Variants in SLC5A10 observed in about 807,000 individuals in gnomAD.
SLC5A10 encodes solute carrier family 5 member 10.
Under a neutral mutation model 68.9 loss-of-function variants are expected in SLC5A10, and 55 were observed. The observed-to-expected ratio is 0.80, with a 90% CI of 0.64 to 1.00. The LOEUF is 1.00. SLC5A10 is among the 50% of genes least tolerant of loss of function. The pLI is 0.00. For synonymous variants in SLC5A10, 344 were observed against 344.8 expected (o/e 1.00, Z 0.02); for missense variants, 732 against 819.3 (o/e 0.89, Z 1.30).
intron 1 of SLC5A10, among the ~76,000 whole-genome samples, chr17:18,958,282 A>G (rs7208220): frequency 0.11 from 16,966 of 151,910 alleles, 2,758 homozygotes; most frequent in African/African-American, 0.36. Flanking sequence ...CTGGTCTCAA[A>G]CTGCTAGGCT....
rs757287574 is a variant in SLC5A10 at position 18,971,023 on chromosome 17, G to C, written c.651G>C (p.Gln217His). Residue 217 changes from glutamine (Q) to histidine (H), a missense_variant, in exon 8 of 15, where the codon CAG becomes CAC. Transcript: ENST00000395645. This position sits in a 1 kb window ranked among gnomAD's most constrained non-coding sequence, Gnocchi z 5.5. ...CCCTGACCCCTCCAGCTTTTGACCA[G>C]ATCGGTGGTTACGGGCAGCTGGAGG... ...AVILTIKAFD[Q>H]IGGYGQLEAA... 4.3e-6 allele frequency: 7 copies of C among 1,613,922 alleles called. No homozygotes were observed. Among genetic ancestry groups the C allele is most frequent in the Non-Finnish European group, 5.1e-6 (6 of 1,180,008 alleles).
intron 9 of SLC5A10, among the ~76,000 whole-genome samples, chr17:18,999,834 G>A (rs2152140163): frequency 6.6e-6 from 1 of 152,336 alleles, no homozygotes; most frequent in East Asian, 1.9e-4. Context: ...CGCCTCACCT[G>A]CCCTCAGTTT....
intron 9 of SLC5A10, among the ~76,000 whole-genome samples, chr17:18,989,293 C>A (rs1033297142): frequency 6.6e-6 from 1 of 152,152 alleles, no homozygotes; most frequent in Non-Finnish European, 1.5e-5. Flanking sequence ...TACAGACTAC[C>A]CTGACTTGTC....
chr17:18,959,527 C>T (rs2042570907), intron 3 of SLC5A10, 77 bp from the exon 4 acceptor site: 3 of 1,506,304 alleles, frequency 2.0e-6, no homozygotes, highest in Admixed American at 1.7e-5. Flanking sequence ...TGGCTCATCC[C>T]AGCCATGTCT....
rs1461659857 is a variant in SLC5A10 at position 18,960,642 on chromosome 17, C to T, written c.443C>T (p.Thr148Ile). 2.0e-5 allele frequency: 32 copies of T among 1,614,034 alleles called. No individual in the cohort carries two copies. Among genetic ancestry groups the T allele is most frequent in the Non-Finnish European group, 2.6e-5 (31 of 1,179,946 alleles). The part of the protein sequence containing the change: ...SVLSLLLSVF[T>I]KISLDLYAGA... ...CTGTCCCTGCTACTGTCTGTCTTCACCAAGATATCGGTGAGCTGCCCCCGG... is the reference window on the plus strand; with the variant it reads ...CTGTCCCTGCTACTGTCTGTCTTCATCAAGATATCGGTGAGCTGCCCCCGG... Residue 148 changes from threonine (T) to isoleucine (I), a missense_variant, in exon 5 of 15, where the codon ACC (threonine) becomes ATC (isoleucine). Thr to Ile is a moderately conservative substitution (Grantham distance 89, BLOSUM62 -1). Transcript: ENST00000395645.
chr17:19,015,115 A>G lies in SLC5A10; in HGVS notation c.1157A>G (p.Asn386Ser), dbSNP rs1424116709. The G allele has an allele frequency of 3.1e-6, 5 of 1,606,204 alleles. No homozygotes were observed. The highest frequency in any genetic ancestry group is 4.3e-6 in the Non-Finnish European group (5 of 1,175,400). The stretch of plus-strand genomic sequence containing the variant: ...ATGTCGTCGCTGACCTCCATCTTCA[A>G]CAGCAGCAGCACCCTCTTCACTATG... ...ALMSSLTSIF[N>S]SSSTLFTMDI... is the part of the protein sequence containing the mutation. The change falls in exon 11 of 15, where the codon AAC becomes AGC. Residue 386 changes from asparagine (N) to serine (S), a missense_variant. Asn to Ser is a conservative substitution (Grantham distance 46, BLOSUM62 1). Coordinates refer to ENST00000395645, the MANE Select transcript of SLC5A10 (RefSeq NM_001042450.4).
chr17:18,982,204 T>C (rs1040399448), intron 9 of SLC5A10, among the ~76,000 whole-genome samples: 4 of 152,110 alleles, frequency 2.6e-5, no homozygotes, highest in Middle Eastern at 3.2e-3. Context: ...GGCCTTAGTC[T>C]CCCTTAGCAC....
intron 9 of SLC5A10, among the ~76,000 whole-genome samples, chr17:18,980,728 G>T (rs1376862642): frequency 6.6e-6 from 1 of 152,140 alleles, no homozygotes; most frequent in Non-Finnish European, 1.5e-5. Context: ...AGGGCATCCC[G>T]AAGTAGAATC....
At chr17:19,009,789 G>T (rs2043976321) in intron 9 of SLC5A10, among the ~76,000 whole-genome samples, 1 of 152,152 alleles carries the variant, frequency 6.6e-6, no homozygotes, top group Non-Finnish European at 1.5e-5. Context: ...TCATAGTCTG[G>T]GTGGGAGACA....
chr17:18,978,904 C>T (rs2043060124), intron 9 of SLC5A10: 1 of 1,585,972 alleles, frequency 6.3e-7, no homozygotes, highest in African/African-American at 1.3e-5. Context: ...TTCCTCCGCC[C>T]AGCCCCCGTG....
At chr17:18,998,765 G>A (rs1350865785) in intron 9 of SLC5A10, among the ~76,000 whole-genome samples, 2 of 152,258 alleles carry the variant, frequency 1.3e-5, no homozygotes, top group African/African-American at 4.8e-5. Flanking sequence ...TCTCTGACCT[G>A]TGGTGGGAGC....
chr17:19,014,111 T>A (rs1173319765), intron 10 of SLC5A10, among the ~76,000 whole-genome samples: 2 of 152,166 alleles, frequency 1.3e-5, no homozygotes, highest in Non-Finnish European at 2.9e-5. Context: ...AGGCAATAAA[T>A]GGCTGTGCCT....
At chr17:18,979,880 C>T (rs1233654849) in intron 9 of SLC5A10, among the ~76,000 whole-genome samples, 1 of 152,136 alleles carries the variant, frequency 6.6e-6, no homozygotes, top group Non-Finnish European at 1.5e-5. Flanking sequence ...CGTGAAGCTA[C>T]AGAGCGGGCA....
intron 9 of SLC5A10, among the ~76,000 whole-genome samples, chr17:18,985,371 G>GT (rs2043244514): frequency 6.6e-6 from 1 of 152,210 alleles, no homozygotes; most frequent in Non-Finnish European, 1.5e-5. Context: ...CTGGCTCCTG[G>GT]TATCACCCCC....
chr17:18,992,316 G>A (rs2152133361), intron 9 of SLC5A10, among the ~76,000 whole-genome samples: 1 of 152,292 alleles, frequency 6.6e-6, no homozygotes, highest in Admixed American at 6.5e-5. Context: ...ACTGCAGCTG[G>A]GAGAGGGGAG....
At chr17:18,963,148 G>A (rs917720091) in intron 5 of SLC5A10, among the ~76,000 whole-genome samples, 1 of 152,238 alleles carries the variant, frequency 6.6e-6, no homozygotes, top group Non-Finnish European at 1.5e-5. Flanking sequence ...GGGAGATGGA[G>A]GTTACAGTGA....
intron 9 of SLC5A10, chr17:18,979,632 C>T (rs768881264): frequency 5.6e-6 from 9 of 1,613,432 alleles, no homozygotes; most frequent in South Asian, 2.2e-5. Flanking sequence ...TTGCCGACCG[C>T]GTGAAGAACT....
chr17:18,993,564 A>G (rs1402720025), intron 9 of SLC5A10, among the ~76,000 whole-genome samples: 2 of 152,186 alleles, frequency 1.3e-5, no homozygotes, highest in Non-Finnish European at 2.9e-5. Context: ...ACTATGCTCC[A>G]GGCAGGTGGA....
chr17:18,967,414 C>T (rs2151998078), intron 5 of SLC5A10, among the ~76,000 whole-genome samples: 1 of 152,280 alleles, frequency 6.6e-6, no homozygotes, highest in East Asian at 1.9e-4. Context: ...GGGGCTGGCA[C>T]GGCTGTGTTT....
Sources: allele counts gnomAD v4.1 joint callset (sites outside exome capture counted in the v4.1 genomes callset), GRCh38; gene constraint gnomAD v4.1.1; non-coding constraint Gnocchi (gnomAD v3.1); transcripts MANE v1.5; gene names NCBI Gene and HGNC (gene_info 2026-07-23, HGNC 2026-07-21).